MLLT1: variants seen among roughly 807,000 people sequenced by gnomAD.
MLLT1 encodes MLLT1 super elongation complex subunit, also known as protein ENL.
In MLLT1, 11 loss-of-function variants were observed where a neutral mutation model predicts 55.1. The observed-to-expected ratio is 0.20, with a 90% confidence interval of 0.13 to 0.33. The LOEUF (loss-of-function observed/expected upper bound fraction) is 0.33, where lower values mean the gene tolerates loss of function less well. MLLT1 is among the 10% of genes least tolerant of loss of function. The pLI, the probability that MLLT1 is intolerant of heterozygous loss-of-function variation, is 1.00. For missense variants in MLLT1, 536 were observed against 760.6 expected, an observed-to-expected ratio of 0.70 and a Z score of 3.47; for synonymous variants, 323 against 320.1, an observed-to-expected ratio of 1.01 and a Z score of -0.10.
chr19:6,267,847 G>C (rs2091361414), intron 2 of MLLT1, among the ~76,000 whole-genome samples: 1 of 152,142 alleles, frequency 6.6e-6, no homozygotes, highest in Non-Finnish European at 1.5e-5. Context: ...AAAGAGACAG[G>C]GTACTGGTGG....
In MLLT1 at chr19:6,215,940, C is replaced by T. The variant is rs1254668905; in HGVS notation, c.1307+465G>A. On this transcript the variant is annotated intron_variant, in intron 8 of 11. Transcript: ENST00000252674. ...TGCCTCCTGGGGAAAAGGCCACAGG[C>T]AGCCAAAGCTGCTCCCACACTGGGT... is the stretch of plus-strand genomic sequence containing the variant. Among the ~76,000 whole-genome samples, 3 of 151,580 alleles carry T rather than the reference C, an allele frequency of 2.0e-5. No individual in the cohort carries two copies. The East Asian group carries it at 5.8e-4, about 29-fold the overall frequency.
rs2090994058 is a variant in MLLT1 at position 6,230,071 on chromosome 19, AACTCTG to A, written c.420+493_420+498del. On this transcript the variant is annotated intron_variant, in intron 4 of 11. Transcript: ENST00000252674. This position sits in a 1 kb window ranked among gnomAD's most constrained non-coding sequence, Gnocchi z 9.0. ...CCTGTTGCCAAGAGCCCTCGTGGGGAACTCTGAGCCCCCACAGGGTCCGGAGGGCTC... is the reference window on the plus strand; with the variant it reads ...CCTGTTGCCAAGAGCCCTCGTGGGGAAGCCCCCACAGGGTCCGGAGGGCTC... Among the ~76,000 whole-genome samples the A allele has an allele frequency of 6.6e-6, 1 of 151,756 alleles. No individual in the cohort carries two copies. Among genetic ancestry groups the A allele is most frequent in the Non-Finnish European group, 1.5e-5 (1 of 67,932 alleles).
Position 6,222,539 on chromosome 19 carries a change from C to T in MLLT1, c.692G>A (p.Arg231Gln), listed in dbSNP as rs1052925356. ...GGGCAGCCGGCCCTCGCCCAGCTTCCGCGAGGTGTCCTTGGAGCTTTTGGC... is the reference window on the plus strand; with the variant it reads ...GGGCAGCCGGCCCTCGCCCAGCTTCTGCGAGGTGTCCTTGGAGCTTTTGGC... ...EQAKSSKDTSRKLGEGRLPKE... is the reference protein window; with the variant it reads ...EQAKSSKDTSQKLGEGRLPKE... Residue 231 changes from arginine (R) to glutamine (Q), a missense_variant, in exon 6 of 12, where the codon CGG becomes CAG. Around this residue, in one of 3 missense-constraint regions of MLLT1, gnomAD observed 449 missense variants for 489.0 expected, o/e 0.92. Transcript: ENST00000252674. The surrounding 1 kb of genome is among the most constrained non-coding windows in gnomAD (Gnocchi z 4.1). 1.9e-6 allele frequency: 3 copies of T among 1,600,754 alleles called. No individual in the cohort carries two copies. Among genetic ancestry groups the T allele is most frequent in the Admixed American group, 1.7e-5 (1 of 59,998 alleles).
At chr19:6,267,937 T>C (rs1014541587) in intron 2 of MLLT1, among the ~76,000 whole-genome samples, 2 of 152,044 alleles carry the variant, frequency 1.3e-5, no homozygotes, top group African/African-American at 4.8e-5. Flanking sequence ...CATCAAACAC[T>C]TAGTAAGCAC....
At chr19:6,239,752 C>T (rs1214758552) in intron 3 of MLLT1, among the ~76,000 whole-genome samples, 1 of 151,758 alleles carries the variant, frequency 6.6e-6, no homozygotes, top group East Asian at 1.9e-4. Flanking sequence ...ACACACACAC[C>T]TATGTACATA....
At chr19:6,257,447 T>G in intron 3 of MLLT1, among the ~76,000 whole-genome samples, 1 of 146,058 alleles carries the variant, frequency 6.8e-6, no homozygotes, top group East Asian at 2.0e-4. Flanking sequence ...TGAAATCACA[T>G]ACCCAAAATA....
chr19:6,218,313 G>A (rs912659536), intron 6 of MLLT1, among the ~76,000 whole-genome samples: 1 of 152,248 alleles, frequency 6.6e-6, no homozygotes, highest in African/African-American at 2.4e-5. Context: ...GACCACGTGG[G>A]CTCTCCTGTC....
chr19:6,215,475 C>T (rs763462588), intron 8 of MLLT1, among the ~76,000 whole-genome samples: 4 of 152,190 alleles, frequency 2.6e-5, no homozygotes, highest in South Asian at 2.1e-4. Context: ...GCGGCTCCCC[C>T]GCAGTGAGCC....
intron 1 of MLLT1, among the ~76,000 whole-genome samples, chr19:6,277,640 C>G (rs1297733452): frequency 6.6e-6 from 1 of 152,168 alleles, no homozygotes; most frequent in Non-Finnish European, 1.5e-5. Flanking sequence ...CACCATCCCA[C>G]TTACATAAGT....
chr19:6,252,861 C>G (rs1167915185), intron 3 of MLLT1, among the ~76,000 whole-genome samples: 2 of 152,044 alleles, frequency 1.3e-5, no homozygotes, highest in South Asian at 2.1e-4. Context: ...AAAGTGGGAA[C>G]TACCAATCTT....
At chr19:6,242,672 T>G (rs2091126458) in intron 3 of MLLT1, among the ~76,000 whole-genome samples, 2 of 152,170 alleles carry the variant, frequency 1.3e-5, no homozygotes, top group Non-Finnish European at 2.9e-5. Context: ...AGACTTAGAC[T>G]GAAGGAAGAG....
rs2090782664 is a variant in MLLT1 at position 6,212,277 on chromosome 19, G to T, written c.*765C>A. The T allele has an allele frequency of 5.6e-6, 6 of 1,065,866 alleles. No homozygotes were observed. The highest frequency in any genetic ancestry group is 1.6e-5 in the African/African-American group (1 of 61,056). The allele number at this position is 1,065,866 out of a possible 1,614,324, so 66.0% of individuals were successfully genotyped here. On this transcript the variant is annotated 3_prime_UTR_variant, in exon 12 of 12. Transcript: ENST00000252674. The stretch of plus-strand genomic sequence containing the variant: ...ACCCCCCCGGGAGCCCCGGTAGGAG[G>T]CGGCGGCATCCTTGGAACGGCAAAG...
Position 6,214,041 on chromosome 19 carries a change from GA to G in MLLT1, c.1308-4del. On this transcript the variant is annotated splice_polypyrimidine_tract_variant and splice_region_variant and intron_variant, in intron 8 of 11. Transcript: ENST00000252674. ...TCTCGCTGTCGCTGAAGCTCAACCT[GA>G]ACCGACACACGGGGGCGCATCAGGC... 1 of 1,434,588 alleles carries G rather than the reference GA, an allele frequency of 7.0e-7. No individual in the cohort carries two copies. The highest frequency in any genetic ancestry group is 9.1e-7 in the Non-Finnish European group (1 of 1,095,026). The allele number at this position is 1,434,588 out of a possible 1,614,324, so 88.9% of individuals were successfully genotyped here.
At chr19:6,279,560 C>T (rs1397773586) in intron 1 of MLLT1, among the ~76,000 whole-genome samples, 2 of 151,714 alleles carry the variant, frequency 1.3e-5, no homozygotes, top group South Asian at 4.1e-4. Flanking sequence ...CGGGCCCGGC[C>T]CGGGTCCCGA....
chr19:6,223,671 C>A (rs1052593612), intron 5 of MLLT1, among the ~76,000 whole-genome samples: 5 of 152,158 alleles, frequency 3.3e-5, no homozygotes, highest in Non-Finnish European at 5.9e-5. Context: ...GCTCAGCCCG[C>A]GGCCAGCCTG....
In MLLT1 at chr19:6,216,809, CGGA is replaced by C. The variant is rs1466077074; in HGVS notation, c.1199-299_1199-297del. ...CGCAGGGCCCCTCCATTGCTGCAGCCGGAGGAGAACCCCTCCTCTGCTCGGGGC... is the reference window on the plus strand; with the variant it reads ...CGCAGGGCCCCTCCATTGCTGCAGCCGGAGAACCCCTCCTCTGCTCGGGGC... On this transcript the variant is annotated intron_variant, in intron 7 of 11. Transcript: ENST00000252674. 9.0e-5 allele frequency: 36 copies of C among 400,726 alleles called. No homozygotes were observed. The Admixed American group carries it at 1.2e-3, about 13-fold the overall frequency. The allele number at this position is 400,726 out of a possible 1,614,324, so 24.8% of individuals were successfully genotyped here.
chr19:6,274,147 C>T (rs1236907197), intron 1 of MLLT1, among the ~76,000 whole-genome samples: 2 of 152,228 alleles, frequency 1.3e-5, no homozygotes, highest in East Asian at 1.9e-4. Flanking sequence ...AGTTCGGGTG[C>T]CCGGCCTGCT....
chr19:6,226,319 A>G lies in MLLT1; in HGVS notation c.546+658T>C, dbSNP rs1568279360. Among the ~76,000 whole-genome samples the G allele has an allele frequency of 6.6e-6, 1 of 152,154 alleles. No individual in the cohort carries two copies. Among genetic ancestry groups the G allele is most frequent in the Non-Finnish European group, 1.5e-5 (1 of 68,016 alleles). On this transcript the variant is annotated intron_variant, in intron 5 of 11. Transcript: ENST00000252674. This position sits in a 1 kb window ranked among gnomAD's most constrained non-coding sequence, Gnocchi z 6.3. ...AGGACTGGGGCGTGCTCAGGGGTTA[A>G]AGGGACACTGTGATGCCATCAAAGG...
At chr19:6,253,376 G>C (rs1040312359) in intron 3 of MLLT1, among the ~76,000 whole-genome samples, 7 of 146,376 alleles carry the variant, frequency 4.8e-5, no homozygotes, top group African/African-American at 1.8e-4. Flanking sequence ...TCCAAGACCA[G>C]AGAGTTCACT....
Sources: allele counts gnomAD v4.1 joint callset (sites outside exome capture counted in the v4.1 genomes callset), GRCh38; gene constraint gnomAD v4.1.1; regional missense constraint gnomAD v4.1.1; non-coding constraint Gnocchi (gnomAD v3.1); transcripts MANE v1.5; gene names NCBI Gene and HGNC (gene_info 2026-07-23, HGNC 2026-07-21).